TANC1: variants seen among roughly 807,000 people sequenced by gnomAD.
The protein encoded by TANC1 is tetratricopeptide repeat, ankyrin repeat and coiled-coil containing 1, also known as protein TANC1.
TANC1 carries 77 observed loss-of-function variants against 149.7 expected under a neutral mutation model. The ratio of observed to expected loss-of-function variants is 0.51; its 90% confidence interval spans 0.43 to 0.62. The LOEUF (loss-of-function observed/expected upper bound fraction) is 0.62, where lower values mean the gene tolerates loss of function less well. TANC1 is among the 20% of genes least tolerant of loss of function. The pLI is 0.00. For synonymous variants in TANC1, 854 were observed against 925.0 expected (o/e 0.92, Z 1.39); for missense variants, 1,985 against 2,321.8 (o/e 0.85, Z 2.98).
At chr2:159,163,634 A>C in intron 8 of TANC1, 88 bp downstream of exon 8, 1 of 1,475,956 alleles carries the variant, frequency 6.8e-7, no homozygotes, top group Non-Finnish European at 9.1e-7. Context: ...GACACTCCAG[A>C]TACAAGCCAG....
At chr2:159,202,097 G>A (rs983685369) in intron 19 of TANC1, among the ~76,000 whole-genome samples, 2 of 152,198 alleles carry the variant, frequency 1.3e-5, no homozygotes, top group Admixed American at 6.5e-5. Context: ...TTGCTGATTG[G>A]AAGCATTGGG....
intron 2 of TANC1, among the ~76,000 whole-genome samples, chr2:159,020,029 G>T (rs1371472690): frequency 6.6e-6 from 1 of 152,122 alleles, no homozygotes; most frequent in East Asian, 1.9e-4. Context: ...GATTTTGAGA[G>T]GATTGTATCT....
chr2:159,224,265 G>A lies in TANC1; in HGVS notation c.3712G>A (p.Glu1238Lys), dbSNP rs1418648066. ...CCTGGTGGAGAAGGGAGCCGTGATC[G>A]AGCATGTGGACCACAGCGGGATGCG... Reference protein sequence around the residue: ...LYLVEKGAVIEHVDHSGMRPL... With the variant: ...LYLVEKGAVIKHVDHSGMRPL... Residue 1238 changes from glutamate to lysine, a missense_variant, in exon 23 of 27, where the codon GAG (glutamate) becomes AAG (lysine). Physicochemically the swap from Glu to Lys is moderately conservative, Grantham distance 56 (BLOSUM62 1). Coordinates refer to ENST00000263635, the MANE Select transcript of TANC1 (RefSeq NM_033394.3). The A allele has an allele frequency of 2.5e-6, 4 of 1,614,040 alleles. No homozygotes were observed. Among genetic ancestry groups the A allele is most frequent in the African/African-American group, 1.3e-5 (1 of 74,918 alleles).
chr2:158,969,373 A>T (rs1030301640), intron 1 of TANC1, among the ~76,000 whole-genome samples: 1 of 152,244 alleles, frequency 6.6e-6, no homozygotes, highest in Admixed American at 6.5e-5. Context: ...CTTTGCTTCC[A>T]AGAACACTGC....
chr2:159,173,036 CCTGATGGTT>C (rs972544971), intron 11 of TANC1, among the ~76,000 whole-genome samples: 19 of 152,138 alleles, frequency 1.2e-4, no homozygotes, highest in African/African-American at 4.3e-4. Flanking sequence ...CGCCATCACC[CCTGATGGTT>C]CTGACCACTG....
chr2:159,193,190 T>A (rs1396414691), intron 16 of TANC1, among the ~76,000 whole-genome samples: 1 of 152,190 alleles, frequency 6.6e-6, no homozygotes, highest in African/African-American at 2.4e-5. Context: ...TTGATTACTG[T>A]ATATATCTCA....
intron 4 of TANC1, among the ~76,000 whole-genome samples, chr2:159,102,242 A>ATGACG (rs1559263457): frequency 1.1e-4 from 16 of 152,120 alleles, no homozygotes; most frequent in Non-Finnish European, 2.4e-4. Context: ...CTGAGACCAC[A>ATGACG]TTATGTAACC....
chr2:158,973,986 A>G (rs553626816), intron 1 of TANC1, among the ~76,000 whole-genome samples: 10 of 152,360 alleles, frequency 6.6e-5, no homozygotes, highest in African/African-American at 2.2e-4. Context: ...TGGGATAAGT[A>G]ACATTAATTA....
In TANC1 at chr2:159,150,389, G is replaced by A. The variant is rs2052649185; in HGVS notation, c.515G>A (p.Gly172Asp). 1.9e-6 allele frequency: 3 copies of A among 1,614,024 alleles called. No homozygotes were observed. The highest frequency in any genetic ancestry group is 2.5e-6 in the Non-Finnish European group (3 of 1,179,998). The change falls in exon 7 of 27, where the codon GGC becomes GAC. Residue 172 changes from glycine (G) to aspartate (D), a missense_variant. Coordinates refer to ENST00000263635, the MANE Select transcript of TANC1 (RefSeq NM_033394.3). ...TTGCAGTGCACAGCTCTGAGTCAAG[G>A]CATCAGTCCTTGCTCCACACTAACA... ...NETMCTALSQ[G>D]ISPCSTLTSS... is the part of the protein sequence containing the mutation.
At chr2:159,120,895 C>T (rs2150090492) in intron 4 of TANC1, among the ~76,000 whole-genome samples, 1 of 152,250 alleles carries the variant, frequency 6.6e-6, no homozygotes, top group African/African-American at 2.4e-5. Flanking sequence ...GCCACCGTGT[C>T]TGGCCTCTCC....
At chr2:159,095,145 A>G (rs1380283225) in intron 3 of TANC1, among the ~76,000 whole-genome samples, 1 of 151,522 alleles carries the variant, frequency 6.6e-6, no homozygotes, top group African/African-American at 2.4e-5. Flanking sequence ...ACAGGGTTTC[A>G]CCGTGTTGGC....
chr2:159,021,920 G>T (rs1293404824), intron 2 of TANC1, among the ~76,000 whole-genome samples: 1 of 152,156 alleles, frequency 6.6e-6, no homozygotes, highest in Non-Finnish European at 1.5e-5. Context: ...TCAGGGACAT[G>T]TAAAGTCCCA....
chr2:159,070,280 T>C (rs1574457819), intron 3 of TANC1, among the ~76,000 whole-genome samples: 1 of 151,552 alleles, frequency 6.6e-6, no homozygotes, highest in South Asian at 2.1e-4. Context: ...TTTTTTTGAG[T>C]GGTTTTAGGT....
chr2:159,183,541 G>T (rs2159877), intron 14 of TANC1, among the ~76,000 whole-genome samples: 4 of 151,876 alleles, frequency 2.6e-5, no homozygotes, highest in Non-Finnish European at 5.9e-5. Flanking sequence ...GGGAAATGAC[G>T]GTTAAGAGGA....
chr2:159,081,891 G>C (rs931751518), intron 3 of TANC1, among the ~76,000 whole-genome samples: 2 of 152,182 alleles, frequency 1.3e-5, no homozygotes, highest in African/African-American at 4.8e-5. Flanking sequence ...TCTGATGTTA[G>C]CCTATAACCA....
chr2:158,991,091 C>CAAAAAAAAAAAAA (rs34411224), intron 1 of TANC1, among the ~76,000 whole-genome samples: 6 of 70,174 alleles, frequency 8.6e-5, no homozygotes, highest in Admixed American at 6.0e-4. Flanking sequence ...GATCCTGTGT[C>CAAAAAAAAAAAAA]AAAAAAAAAA....
At chr2:159,020,534 T>C (rs1163681513) in intron 2 of TANC1, among the ~76,000 whole-genome samples, 1 of 152,232 alleles carries the variant, frequency 6.6e-6, no homozygotes, top group Non-Finnish European at 1.5e-5. Context: ...TTCTTTTTTT[T>C]CAATAACAGC....
chr2:159,177,025 T>A (rs1183642717), intron 13 of TANC1, among the ~76,000 whole-genome samples: 1 of 150,330 alleles, frequency 6.7e-6, no homozygotes. Context: ...TTCTCCTGCC[T>A]TGGCCTCCGG....
chr2:159,182,288 C>CT (rs200483233), intron 14 of TANC1, among the ~76,000 whole-genome samples: 1,881 of 150,564 alleles, frequency 0.012, 19 homozygotes, highest in East Asian at 0.026. Flanking sequence ...CATCTGTTTC[C>CT]TTTTTTTTTG....
Sources: gnomAD v4.1 joint callset for allele counts (sites outside exome capture counted in the v4.1 genomes callset) on GRCh38, gnomAD v4.1.1 for gene constraint, MANE v1.5 for transcripts, NCBI Gene and HGNC (gene_info 2026-07-23, HGNC 2026-07-21) for gene names.